The following ATXN8OS variants were observed in gnomAD, a reference collection of about 807,000 sequenced individuals.
ATXN8OS encodes the protein ATXN8 opposite strand lncRNA, also known as ATXN8 opposite strand (non-protein coding).
At chr13:70,135,335 T>C (rs1354112248) in intron 3 of ATXN8OS, among the ~76,000 whole-genome samples, 1 of 152,124 alleles carries the variant, frequency 6.6e-6, no homozygotes, top group African/African-American at 2.4e-5. Flanking sequence ...TCAGTTTCCA[T>C]GACACCAAAC....
exon 2 of ATXN8OS, chr13:70,115,271 AAGAGC>A: frequency 5.0e-6 from 2 of 398,404 alleles, no homozygotes; most frequent in Non-Finnish European, 8.9e-6. Flanking sequence ...CACATGGCAG[AAGAGC>A]AGAGGAGACA....
chr13:70,124,453 ACAAT>A (rs1221287026), intron 2 of ATXN8OS, among the ~76,000 whole-genome samples: 1 of 152,140 alleles, frequency 6.6e-6, no homozygotes, highest in African/African-American at 2.4e-5. Context: ...TGATAAGATG[ACAAT>A]CAAGAAAAAG....
intron 2 of ATXN8OS, among the ~76,000 whole-genome samples, chr13:70,120,764 C>T (rs1359209180): frequency 6.6e-6 from 1 of 152,170 alleles, no homozygotes; most frequent in South Asian, 2.1e-4. Context: ...AGTTCATGTC[C>T]TTTGTAGGGA....
intron 4 of ATXN8OS, among the ~76,000 whole-genome samples, chr13:70,157,734 A>T (rs1888955606): frequency 6.6e-6 from 1 of 152,196 alleles, no homozygotes; most frequent in Non-Finnish European, 1.5e-5. Flanking sequence ...GATTTAAAAA[A>T]GAAAAATTCC....
intron 1 of ATXN8OS, among the ~76,000 whole-genome samples, chr13:70,113,026 G>A (rs1888220644): frequency 6.7e-6 from 1 of 149,094 alleles, no homozygotes; most frequent in African/African-American, 2.5e-5. Flanking sequence ...GGATTCAAGT[G>A]ATTCTCTTGC....
intron 4 of ATXN8OS, among the ~76,000 whole-genome samples, chr13:70,166,740 C>G (rs375677995): frequency 1.3e-5 from 2 of 152,136 alleles, no homozygotes; most frequent in African/African-American, 4.8e-5. Context: ...GCAACCTACA[C>G]AATGGGAGAA....
chr13:70,134,230 A>G (rs896419114), intron 3 of ATXN8OS, among the ~76,000 whole-genome samples: 2 of 152,226 alleles, frequency 1.3e-5, no homozygotes, highest in Admixed American at 6.5e-5. Context: ...CATAGAAGAC[A>G]TACTTAGGAT....
chr13:70,132,204 C>G (rs1888543666), intron 3 of ATXN8OS, among the ~76,000 whole-genome samples: 1 of 151,716 alleles, frequency 6.6e-6, no homozygotes, highest in Non-Finnish European at 1.5e-5. Flanking sequence ...ATAGCAAAGA[C>G]ATGGAATCAA....
intron 3 of ATXN8OS, among the ~76,000 whole-genome samples, chr13:70,135,885 T>C (rs1165460710): frequency 6.6e-6 from 1 of 152,212 alleles, no homozygotes; most frequent in Non-Finnish European, 1.5e-5. Context: ...GATTTTCAAA[T>C]ATGGCATTTC....
intron 3 of ATXN8OS, among the ~76,000 whole-genome samples, chr13:70,135,627 CT>C (rs375659782): frequency 2.0e-5 from 3 of 147,236 alleles, no homozygotes; most frequent in African/African-American, 7.3e-5. Context: ...CCATATTGAA[CT>C]TTTTTTCTTA....
Position 70,139,351 on chromosome 13 carries a change from T to TTACTACTACTACTAC in ATXN8OS, n.500-7984_500-7970dup, listed in dbSNP as rs375568204. 8.0e-4 allele frequency: 439 copies of TTACTACTACTACTAC among 548,216 alleles called. 4 individuals carry two copies. Among genetic ancestry groups the TTACTACTACTACTAC allele is most frequent in the African/African-American group, 1.3e-3 (67 of 49,844 alleles). The allele number at this position is 548,216 out of a possible 1,614,324, so 34.0% of individuals were successfully genotyped here. On this transcript the variant is annotated intron_variant and non_coding_transcript_variant, in intron 3 of 4. Coordinates refer to ENST00000678624, the Ensembl canonical transcript of ATXN8OS. ...GTCCTTCATGTTAGAAAACCTGGCTTTACTACTACTACTACTACTACTACT... is the reference window on the plus strand; with the variant it reads ...GTCCTTCATGTTAGAAAACCTGGCTTTACTACTACTACTACTACTACTACTACTACTACTACTACT...
chr13:70,139,578 T>C (rs1888678121), intron 3 of ATXN8OS: 1 of 506,312 alleles, frequency 2.0e-6, no homozygotes. Flanking sequence ...AATTATCTGA[T>C]GTTGAGTTAG....
At chr13:70,157,436 A>C (rs1223301550) in intron 4 of ATXN8OS, among the ~76,000 whole-genome samples, 1 of 152,168 alleles carries the variant, frequency 6.6e-6, no homozygotes, top group Non-Finnish European at 1.5e-5. Context: ...GTTTACAAGA[A>C]TTAAACCACA....
At position 70,130,536 on chromosome 13, in the gene ATXN8OS, G is replaced by A. The variant is rs528100623; in HGVS notation, n.499+652G>A. ...GTGATACAGATATGCATAATGTGAT[G>A]TAGGGGAAGTATTTTAAAACAAAAA... On this transcript the variant is annotated intron_variant and non_coding_transcript_variant, in intron 3 of 4. Coordinates refer to ENST00000678624, the Ensembl canonical transcript of ATXN8OS. The A allele has an allele frequency of 5.8e-5, 23 of 395,116 alleles. No homozygotes were observed. In the South Asian group the frequency reaches 2.6e-3, roughly 44 times the overall value. The allele number at this position is 395,116 out of a possible 1,614,324, so 24.5% of individuals were successfully genotyped here.
At chr13:70,112,919 A>AT (rs3072593) in intron 1 of ATXN8OS, among the ~76,000 whole-genome samples, 66,891 of 122,094 alleles carry the variant, frequency 0.55, 19,545 homozygotes, top group South Asian at 0.73. Context: ...TTATATATAT[A>AT]ATTTTTTTTT....
rs527820013 is a variant in ATXN8OS, at chr13:70,135,876, A to G, written n.499+5992A>G. Among the ~76,000 whole-genome samples, 4 of 152,338 alleles carry G rather than the reference A, an allele frequency of 2.6e-5. No individual in the cohort carries two copies. The South Asian group carries it at 8.3e-4, about 32-fold the overall frequency. Reference sequence around the variant, plus strand: ...CAAAACTACCAGTGGTAAATGGATGATTTTCAAATATGGCATTTCAGGCTG... The same window carrying G: ...CAAAACTACCAGTGGTAAATGGATGGTTTTCAAATATGGCATTTCAGGCTG... On this transcript the variant is annotated intron_variant and non_coding_transcript_variant, in intron 3 of 4. Coordinates refer to ENST00000678624, the Ensembl canonical transcript of ATXN8OS.
At chr13:70,171,608 C>T (rs1172260899) in exon 5 of ATXN8OS, among the ~76,000 whole-genome samples, 1 of 152,068 alleles carries the variant, frequency 6.6e-6, no homozygotes, top group Non-Finnish European at 1.5e-5. Context: ...GGGAACTACC[C>T]TGGTATATGC....
intron 3 of ATXN8OS, among the ~76,000 whole-genome samples, chr13:70,144,964 T>G (rs1411026545): frequency 6.6e-6 from 1 of 152,128 alleles, no homozygotes; most frequent in Non-Finnish European, 1.5e-5. Flanking sequence ...GTGTCACACC[T>G]TGCCTAAAAA....
At chr13:70,111,585 C>T (rs1334934117) in intron 1 of ATXN8OS, among the ~76,000 whole-genome samples, 1 of 152,194 alleles carries the variant, frequency 6.6e-6, no homozygotes, top group African/African-American at 2.4e-5. Context: ...ATGCCCCCCT[C>T]TCAATATTCC....
Sources: gnomAD v4.1 joint callset for allele counts (sites outside exome capture counted in the v4.1 genomes callset) on GRCh38, gnomAD v4.1.1 for gene constraint, MANE v1.5 for transcripts, NCBI Gene and HGNC (gene_info 2026-07-23, HGNC 2026-07-21) for gene names.